Variants in ITGB6 observed in about 807,000 individuals in gnomAD.
ITGB6 encodes the protein integrin beta-6.
Under a neutral mutation model 84.5 loss-of-function variants are expected in ITGB6, and 80 were observed. The ratio of observed to expected loss-of-function variants is 0.95; its 90% confidence interval spans 0.79 to 1.14. The LOEUF (loss-of-function observed/expected upper bound fraction) is 1.14. ITGB6 is among the 50% of genes most tolerant of loss of function. The pLI is 0.00. For synonymous variants in ITGB6, 383 were observed against 354.9 expected, an observed-to-expected ratio of 1.08 and a Z score of -0.89; for missense variants, 1,006 against 968.0, an observed-to-expected ratio of 1.04 and a Z score of -0.52.
intron 10 of ITGB6, among the ~76,000 whole-genome samples, chr2:160,136,955 G>A (rs1458765554): frequency 1.3e-5 from 2 of 151,390 alleles, no homozygotes; most frequent in African/African-American, 2.4e-5. Context: ...AATGTTAAAT[G>A]ATGAGTTAAT....
rs1263260659 is a variant in ITGB6 at position 160,126,483 on chromosome 2, C to T, written c.1779G>A (p.Gly593=). The part of the protein sequence containing the change: ...CVSEDGVLCS[G]RGDCVCGKCV... The stretch of plus-strand genomic sequence containing the variant: ...ACTTGCCACAAACACAGTCCCCGCG[C>T]CCGCTGCAGAGCACTCCATCTTCAG... Residue 593 remains glycine (G), a synonymous_variant, in exon 11 of 15, where the codon GGG becomes GGA. Coordinates refer to ENST00000283249, the MANE Select transcript of ITGB6 (RefSeq NM_000888.5). 1.2e-6 allele frequency: 2 copies of T among 1,614,198 alleles called. No individual in the cohort carries two copies. The highest frequency in any genetic ancestry group is 1.7e-6 in the Non-Finnish European group (2 of 1,180,032).
chr2:160,163,505 G>A (rs1448200313), intron 7 of ITGB6, among the ~76,000 whole-genome samples: 2 of 152,070 alleles, frequency 1.3e-5, no homozygotes, highest in African/African-American at 4.8e-5. Context: ...GGTGGCACAC[G>A]CCTGTAATCC....
chr2:160,137,588 G>T lies in ITGB6; in HGVS notation c.1506C>A (p.Cys502Ter). ...AGGAGGGATGATCTGGGGCCTCCTT[G>T]CAGGAATCTGTGCTCAGCATGTCCT... Reference protein sequence around the residue: ...CGEDMLSTDSCKEAPDHPSCS... With the variant: ...CGEDMLSTDS The change falls in exon 10 of 15, where the codon TGC (cysteine) becomes TGA (stop). Residue 502 changes from cysteine (C) to a stop codon, truncating the protein, a stop_gained. Coordinates refer to ENST00000283249, the MANE Select transcript of ITGB6 (RefSeq NM_000888.5). LOFTEE classifies it high-confidence loss of function. The T allele has an allele frequency of 6.2e-7, 1 of 1,614,182 alleles. No homozygotes were observed. Among genetic ancestry groups the T allele is most frequent in the South Asian group, 1.1e-5 (1 of 91,090 alleles).
rs1173822198 is a variant in ITGB6 at position 160,107,805 on chromosome 2, C to G, written c.2142G>C (p.Gly714=). ...KPPNIPMIML[G]VSLAILLIGV... is the part of the protein sequence containing the mutation. ...CGATGAGAAGAATAGCCAGGGAAAC[C>G]CCTAACATGATCATGGGAATGTTTG... The change falls in exon 14 of 15, where the codon GGG becomes GGC. Residue 714 remains glycine (G), a synonymous_variant. Coordinates refer to ENST00000283249, the MANE Select transcript of ITGB6 (RefSeq NM_000888.5). The G allele has an allele frequency of 1.3e-5, 21 of 1,613,354 alleles. No individual in the cohort carries two copies. The highest frequency in any genetic ancestry group is 1.5e-5 in the Non-Finnish European group (18 of 1,179,566).
intron 12 of ITGB6, among the ~76,000 whole-genome samples, chr2:160,114,907 C>A (rs1221955008): frequency 1.3e-5 from 2 of 152,218 alleles, no homozygotes; most frequent in Non-Finnish European, 2.9e-5. Flanking sequence ...ATTGCTAGCA[C>A]AGCCGCCTTG....
At chr2:160,121,325 C>A (rs1235309637) in intron 12 of ITGB6, among the ~76,000 whole-genome samples, 1 of 152,154 alleles carries the variant, frequency 6.6e-6, no homozygotes, top group Non-Finnish European at 1.5e-5. Flanking sequence ...AAATGTATAA[C>A]AACTCTCAGA....
At chr2:160,180,113 C>CAAA (rs34572460) in intron 4 of ITGB6, among the ~76,000 whole-genome samples, 1 of 82,108 alleles carries the variant, frequency 1.2e-5, no homozygotes. Context: ...AACTCCACCT[C>CAAA]AAAAAAAAAA....
intron 9 of ITGB6, 48 bp downstream of exon 9, chr2:160,138,017 T>C: frequency 1.3e-6 from 2 of 1,568,330 alleles, no homozygotes; most frequent in Non-Finnish European, 1.7e-6. Flanking sequence ...AGCTAATTTC[T>C]GACCCATCCA....
At chr2:160,114,952 G>A (rs1682699987) in intron 12 of ITGB6, among the ~76,000 whole-genome samples, 1 of 152,242 alleles carries the variant, frequency 6.6e-6, no homozygotes, top group South Asian at 2.1e-4. Flanking sequence ...TGGGGGAGGG[G>A]CACCTGCCAT....
chr2:160,116,332 G>GC (rs1682766736), intron 12 of ITGB6, among the ~76,000 whole-genome samples: 2 of 150,086 alleles, frequency 1.3e-5, no homozygotes. Flanking sequence ...AACTCTACAA[G>GC]CCAGAAGAGA....
intron 1 of ITGB6, 37 bp from the exon 2 acceptor site, chr2:160,199,295 C>A: frequency 2.7e-6 from 4 of 1,479,096 alleles, no homozygotes; most frequent in Non-Finnish European, 2.8e-6. Context: ...GGATTAAGTA[C>A]ACTTTCAGTC....
chr2:160,190,786 T>C (rs1455291083), intron 4 of ITGB6, among the ~76,000 whole-genome samples: 1 of 152,182 alleles, frequency 6.6e-6, no homozygotes, highest in Admixed American at 6.6e-5. Context: ...GGGATACTAG[T>C]TTAGCTGAGC....
At chr2:160,173,001 T>C (rs1471879737) in intron 5 of ITGB6, among the ~76,000 whole-genome samples, 2 of 152,188 alleles carry the variant, frequency 1.3e-5, no homozygotes, top group African/African-American at 4.8e-5. Context: ...ATCTTGACTT[T>C]TACATAGTTC....
At chr2:160,190,055 G>C (rs550466949) in intron 4 of ITGB6, among the ~76,000 whole-genome samples, 1 of 152,068 alleles carries the variant, frequency 6.6e-6, no homozygotes, top group Non-Finnish European at 1.5e-5. Context: ...TCCTTTGTAG[G>C]AACATGAATG....
At chr2:160,120,102 A>G (rs1180556784) in intron 12 of ITGB6, among the ~76,000 whole-genome samples, 1 of 151,642 alleles carries the variant, frequency 6.6e-6, no homozygotes, top group African/African-American at 2.4e-5. Context: ...TGTGGAAGTC[A>G]GTGTGGCGAT....
chr2:160,126,348 C>T (rs1683239543), intron 11 of ITGB6, 31 bp downstream of exon 11: 1 of 1,591,878 alleles, frequency 6.3e-7, no homozygotes, highest in Admixed American at 1.7e-5. Context: ...AACCTATCCA[C>T]ATAAGGAATG....
chr2:160,197,319 G>A (rs904144101), intron 2 of ITGB6, among the ~76,000 whole-genome samples: 1 of 152,012 alleles, frequency 6.6e-6, no homozygotes, highest in Non-Finnish European at 1.5e-5. Context: ...CTGCTTTTCT[G>A]CGTGGGACAC....
chr2:160,186,953 A>C (rs1574138747), intron 4 of ITGB6, among the ~76,000 whole-genome samples: 1 of 117,800 alleles, frequency 8.5e-6, no homozygotes, highest in Non-Finnish European at 1.7e-5. Flanking sequence ...ATCACACACC[A>C]GGGCCTGTCG....
chr2:160,132,080 G>A (rs1424110977), intron 10 of ITGB6, among the ~76,000 whole-genome samples: 6 of 152,080 alleles, frequency 3.9e-5, no homozygotes, highest in East Asian at 1.9e-4. Flanking sequence ...TTTTGAACAT[G>A]TATTTTATTA....
Sources: gnomAD v4.1 joint callset for allele counts (sites outside exome capture counted in the v4.1 genomes callset) on GRCh38, gnomAD v4.1.1 for gene constraint, MANE v1.5 for transcripts, NCBI Gene and HGNC (gene_info 2026-07-23, HGNC 2026-07-21) for gene names.